Variants in CDKN2B-AS1 observed in about 807,000 individuals in gnomAD.
CDKN2B-AS1 encodes CDKN2B antisense RNA 1 (non-protein coding).
intron 1 of CDKN2B-AS1, among the ~76,000 whole-genome samples, chr9:21,998,440 G>C (rs972689689): frequency 7.9e-5 from 12 of 152,222 alleles, no homozygotes; most frequent in African/African-American, 2.7e-4. Flanking sequence ...AACACTTCAT[G>C]GCCAGCAAGA....
At chr9:22,108,779 G>A (rs1225114070) in intron 4 of CDKN2B-AS1, among the ~76,000 whole-genome samples, 1 of 152,066 alleles carries the variant, frequency 6.6e-6, no homozygotes, top group Non-Finnish European at 1.5e-5. Flanking sequence ...AACTGATGAG[G>A]TCATACTTTC....
intron 4 of CDKN2B-AS1, among the ~76,000 whole-genome samples, chr9:22,091,729 C>T (rs185807525): frequency 0.01 from 1,593 of 152,210 alleles, 34 homozygotes; most frequent in African/African-American, 0.035. Context: ...TTGGCTGAGA[C>T]GATGGGGTTT....
At chr9:22,080,472 G>C (rs1390578199) in intron 4 of CDKN2B-AS1, among the ~76,000 whole-genome samples, 1 of 152,222 alleles carries the variant, frequency 6.6e-6, no homozygotes, top group Non-Finnish European at 1.5e-5. Context: ...ACTGTGGAGG[G>C]GCAGCGGGGG....
Position 22,008,254 on chromosome 9 carries a change from T to C in CDKN2B-AS1, n.29+13093T>C, listed in dbSNP as rs182297021. ...ATAGAACTATATATTTTTTCTCTTA[T>C]GCATCACTCATAAGACACTGCTAAC... is the stretch of plus-strand genomic sequence containing the variant. On this transcript the variant is annotated intron_variant and non_coding_transcript_variant, in intron 1 of 4. Transcript: ENST00000650946. Among the ~76,000 whole-genome samples, 544 of 152,334 alleles carry C rather than the reference T, an allele frequency of 3.6e-3. 11 individuals carry two copies. The highest frequency in any genetic ancestry group is 2.1e-3 in the South Asian group (10 of 4,824).
intron 4 of CDKN2B-AS1, chr9:22,119,006 G>A (rs1826031022): frequency 6.6e-6 from 1 of 152,174 alleles, no homozygotes; most frequent in Non-Finnish European, 1.5e-5. Context: ...AGAAAAGGTA[G>A]GCATTGGAGT....
intron 1 of CDKN2B-AS1, among the ~76,000 whole-genome samples, chr9:22,020,575 A>T (rs1489440481): frequency 6.6e-6 from 1 of 152,054 alleles, no homozygotes; most frequent in Non-Finnish European, 1.5e-5. Flanking sequence ...AGCCATTCTG[A>T]CTTGTGTGAG....
intron 4 of CDKN2B-AS1, among the ~76,000 whole-genome samples, chr9:22,123,546 G>A (rs1373670755): frequency 6.6e-6 from 1 of 152,160 alleles, no homozygotes; most frequent in Non-Finnish European, 1.5e-5. Flanking sequence ...GGAACTGAGG[G>A]AGGTCTCGAG....
intron 4 of CDKN2B-AS1, among the ~76,000 whole-genome samples, chr9:22,057,266 C>T (rs1055088302): frequency 4.6e-5 from 7 of 152,140 alleles, no homozygotes; most frequent in African/African-American, 1.7e-4. Flanking sequence ...GTTCCATCTT[C>T]CAAAAGGCCT....
chr9:22,067,712 A>G (rs1239377267), intron 4 of CDKN2B-AS1, among the ~76,000 whole-genome samples: 1 of 152,174 alleles, frequency 6.6e-6, no homozygotes, highest in African/African-American at 2.4e-5. Flanking sequence ...CTTGTTGATT[A>G]AACTCTTTTT....
intron 1 of CDKN2B-AS1, among the ~76,000 whole-genome samples, chr9:22,019,518 T>A (rs948293838): frequency 1.3e-5 from 2 of 152,116 alleles, no homozygotes; most frequent in Non-Finnish European, 1.5e-5. Context: ...AGGTTGGTGA[T>A]CATGGTCACC....
chr9:22,054,846 G>C (rs547849398), intron 3 of CDKN2B-AS1, among the ~76,000 whole-genome samples: 1 of 151,402 alleles, frequency 6.6e-6, no homozygotes, highest in Non-Finnish European at 1.5e-5. Flanking sequence ...CTGCCTCCCG[G>C]GTTCAAGCAA....
chr9:22,109,474 C>T (rs1035159457), intron 4 of CDKN2B-AS1, among the ~76,000 whole-genome samples: 1 of 152,108 alleles, frequency 6.6e-6, no homozygotes, highest in African/African-American at 2.4e-5. Context: ...AGCTTTTAAC[C>T]CTAATACGTT....
chr9:22,009,155 CT>C, intron 1 of CDKN2B-AS1: 1 of 690,184 alleles, frequency 1.4e-6, no homozygotes. Flanking sequence ...TAGCTCCGGG[CT>C]TTTCCTGGCG....
intron 4 of CDKN2B-AS1, among the ~76,000 whole-genome samples, chr9:22,092,903 T>C (rs1273940059): frequency 1.1e-4 from 16 of 152,182 alleles, no homozygotes; most frequent in Admixed American, 1.0e-3. Flanking sequence ...ATAGTTCTTT[T>C]AATTGTGATG....
rs3218011 is a variant in CDKN2B-AS1, at chr9:21,998,677, T to C, written n.29+3516T>C. 1.4e-3 allele frequency among the ~76,000 whole-genome samples: 212 copies of C among 152,320 alleles called. 1 individual carries two copies. Among genetic ancestry groups the C allele is most frequent in the Admixed American group, 0.012 (191 of 15,298 alleles). ...TAATTTTCTGTTTTAGATCAGCAAA[T>C]TCATTCCATAGGCAGGGATAGGGGA... On this transcript the variant is annotated intron_variant and non_coding_transcript_variant, in intron 1 of 4. Transcript: ENST00000650946.
chr9:22,050,401 G>A (rs1823296281), intron 3 of CDKN2B-AS1, among the ~76,000 whole-genome samples: 1 of 152,202 alleles, frequency 6.6e-6, no homozygotes, highest in Admixed American at 6.6e-5. Context: ...CTGTGGAAGT[G>A]AAGTACTTCT....
At chr9:22,051,001 T>C (rs1298718220) in intron 3 of CDKN2B-AS1, among the ~76,000 whole-genome samples, 1 of 152,162 alleles carries the variant, frequency 6.6e-6, no homozygotes, top group Non-Finnish European at 1.5e-5. Context: ...GAATGTAATA[T>C]TGAGTTAATG....
intron 4 of CDKN2B-AS1, among the ~76,000 whole-genome samples, chr9:22,067,720 T>C (rs1824118267): frequency 6.6e-6 from 1 of 152,242 alleles, no homozygotes; most frequent in South Asian, 2.1e-4. Flanking sequence ...TTAAACTCTT[T>C]TTTTTGAAAA....
rs776444022 is a variant in CDKN2B-AS1, at chr9:22,008,823, T to C, written n.29+13662T>C. 7.5e-6 allele frequency: 12 copies of C among 1,607,228 alleles called. No homozygotes were observed. In the Admixed American group the frequency reaches 1.4e-4, roughly 18 times the overall value. Reference sequence around the variant, plus strand: ...CTGGATCGCGCGCCTCCCGAAACGGTTGACTCCGTTGGGATCCGCGCCGGC... The same window carrying C: ...CTGGATCGCGCGCCTCCCGAAACGGCTGACTCCGTTGGGATCCGCGCCGGC... On this transcript the variant is annotated intron_variant and non_coding_transcript_variant, in intron 1 of 4. Coordinates refer to ENST00000650946, the Ensembl canonical transcript of CDKN2B-AS1.
Sources: gnomAD v4.1 joint callset for allele counts (sites outside exome capture counted in the v4.1 genomes callset) on GRCh38, gnomAD v4.1.1 for gene constraint, MANE v1.5 for transcripts, NCBI Gene and HGNC (gene_info 2026-07-23, HGNC 2026-07-21) for gene names.